The following DIS3 variants were observed in gnomAD, a reference collection of about 807,000 sequenced individuals.
DIS3 encodes DIS3 exosome endoribonuclease and 3'-5' exoribonuclease.
In DIS3, 103 loss-of-function variants were observed where a neutral mutation model predicts 113.0. The observed-to-expected ratio is 0.91, with a 90% CI of 0.78 to 1.07. The LOEUF (loss-of-function observed/expected upper bound fraction) is 1.07, where lower values mean the gene tolerates loss of function less well. Ranked by LOEUF, DIS3 falls within the 50% of genes least tolerant of loss-of-function variation. The pLI, the probability that DIS3 is intolerant of heterozygous loss-of-function variation, is 0.00. For missense variants in DIS3, 1,121 were observed against 1,167.1 expected, an observed-to-expected ratio of 0.96 and a Z score of 0.58; for synonymous variants, 402 against 394.3, an observed-to-expected ratio of 1.02 and a Z score of -0.23.
In DIS3 at chr13:72,761,358, C is replaced by T. The variant is rs747132440; in HGVS notation, c.2670+5G>A. 1.1e-5 allele frequency: 18 copies of T among 1,596,772 alleles called. No homozygotes were observed. Among genetic ancestry groups the T allele is most frequent in the African/African-American group, 2.7e-5 (2 of 73,720 alleles). ...AAAAGAAAACAAACATGAGAAATAC[C>T]GTACCTCATCATCATAAATAAGCTG... On this transcript the variant is annotated splice_donor_5th_base_variant and intron_variant, in intron 19 of 20. Coordinates refer to ENST00000377767, the MANE Select transcript of DIS3 (RefSeq NM_014953.5).
chr13:72,760,534 G>A lies in DIS3; in HGVS notation c.2788C>T (p.Pro930Ser). ...AATTTTAAGTTTGGCCTTACCTGTGGTTCTACCAGGGACATTCGGATCTTC... is the reference window on the plus strand; with the variant it reads ...AATTTTAAGTTTGGCCTTACCTGTGATTCTACCAGGGACATTCGGATCTTC... ...HQKIRMSLVE[P>S]QIPGISIPTD... The change falls in exon 20 of 21, where the codon CCA becomes TCA. Residue 930 changes from proline to serine, a missense_variant. Transcript: ENST00000377767. The A allele has an allele frequency of 6.2e-7, 1 of 1,613,458 alleles. No homozygotes were observed. The highest frequency in any genetic ancestry group is 8.5e-7 in the Non-Finnish European group (1 of 1,179,614).
At chr13:72,775,842 A>T in intron 5 of DIS3, 83 bp downstream of exon 5, 1 of 1,211,374 alleles carries the variant, frequency 8.3e-7, no homozygotes, top group Non-Finnish European at 1.1e-6. Flanking sequence ...TATGTTACAC[A>T]AATAGTATTT....
At chr13:72,770,643 G>A (rs767351285) in intron 13 of DIS3, among the ~76,000 whole-genome samples, 1 of 152,172 alleles carries the variant, frequency 6.6e-6, no homozygotes, top group Non-Finnish European at 1.5e-5. Context: ...AAGTGCATCT[G>A]TACATGTTTA....
chr13:72,774,185 C>T (rs1033420073), intron 6 of DIS3, 126 bp from the exon 7 acceptor site: 8 of 576,074 alleles, frequency 1.4e-5, no homozygotes, highest in African/African-American at 5.7e-5. Flanking sequence ...CATAAGACTA[C>T]AGAATGTTGA....
intron 14 of DIS3, among the ~76,000 whole-genome samples, chr13:72,767,953 GCCTGAGTTAATACTCTATA>G (rs1015899230): frequency 1.3e-5 from 2 of 152,082 alleles, no homozygotes; most frequent in African/African-American, 4.8e-5. Context: ...CCTTCAACAT[GCCTGAGTTAATACTCTATA>G]CCTTACGCCT....
chr13:72,780,236 G>A (rs2034129510), intron 2 of DIS3, among the ~76,000 whole-genome samples: 1 of 136,712 alleles, frequency 7.3e-6, no homozygotes, highest in Non-Finnish European at 1.5e-5. Context: ...TGAGGCAGAA[G>A]AATCGCTTGA....
chr13:72,769,691 C>T (rs1368090117), intron 13 of DIS3, among the ~76,000 whole-genome samples: 2 of 152,126 alleles, frequency 1.3e-5, no homozygotes, highest in African/African-American at 2.4e-5. Flanking sequence ...TTTTGTTATA[C>T]TGACCAAGTC....
In DIS3 at chr13:72,780,835, A is replaced by C; in HGVS notation, c.386+11T>G. Reference sequence around the variant, plus strand: ...GTGGTTTTCTGATATTTAACGTAATATTCCTCCTACCTATGGTGCTCATTA... The same window carrying C: ...GTGGTTTTCTGATATTTAACGTAATCTTCCTCCTACCTATGGTGCTCATTA... On this transcript the variant is annotated intron_variant, in intron 2 of 20. Coordinates refer to ENST00000377767, the MANE Select transcript of DIS3 (RefSeq NM_014953.5). The C allele has an allele frequency of 6.3e-7, 1 of 1,580,660 alleles. No homozygotes were observed. Among genetic ancestry groups the C allele is most frequent in the Non-Finnish European group, 8.6e-7 (1 of 1,165,894 alleles).
chr13:72,770,966 C>A lies in DIS3; in HGVS notation c.1693G>T (p.Glu565Ter). 5 of 1,598,588 alleles carry A rather than the reference C, an allele frequency of 3.1e-6. No individual in the cohort carries two copies. Among genetic ancestry groups the A allele is most frequent in the Non-Finnish European group, 4.3e-6 (5 of 1,171,568 alleles). The change falls in exon 13 of 21, where the codon GAA (glutamate) becomes TAA (stop). Residue 565 changes from glutamate (E) to a stop codon, truncating the protein, a stop_gained. Coordinates refer to ENST00000377767, the MANE Select transcript of DIS3 (RefSeq NM_014953.5). LOFTEE classifies it high-confidence loss of function. ...VDRLAFSCIWEMNHNAEILKT... is the reference protein window; with the variant it reads ...VDRLAFSCIW ...AAGATTTCAGCATTGTGATTCATTT[C>A]CCAAATACATGAAAATGCCAGCCTG...
At chr13:72,774,690 G>T (rs2033965354) in intron 6 of DIS3, among the ~76,000 whole-genome samples, 1 of 152,138 alleles carries the variant, frequency 6.6e-6, no homozygotes, top group African/African-American at 2.4e-5. Flanking sequence ...TTATAATATT[G>T]TAATTATAAA....
In DIS3 at chr13:72,780,984, G is replaced by A. The variant is rs1314031222; in HGVS notation, c.248C>T (p.Pro83Leu). The A allele has an allele frequency of 6.2e-7, 1 of 1,604,568 alleles. No individual in the cohort carries two copies. Among genetic ancestry groups the A allele is most frequent in the Non-Finnish European group, 8.5e-7 (1 of 1,177,682 alleles). The part of the protein sequence containing the change: ...LLHQIDVLED[P>L]AIRNVIVLQT... ...TAGCACAATTACATTCCTGATGGCA[G>A]GGTCCTCAAGAACATCAATCTTAAA... Residue 83 changes from proline (P) to leucine (L), a missense_variant, in exon 2 of 21, where the codon CCT (proline) becomes CTT (leucine). Physicochemically the swap from Pro to Leu is moderately conservative, Grantham distance 98 (BLOSUM62 -3). Coordinates refer to ENST00000377767, the MANE Select transcript of DIS3 (RefSeq NM_014953.5).
intron 2 of DIS3, 113 bp from the exon 3 acceptor site, chr13:72,778,493 T>A (rs1171732069): frequency 2.7e-6 from 2 of 753,460 alleles, no homozygotes; most frequent in African/African-American, 3.4e-5. Flanking sequence ...ATGGTATATC[T>A]TTTCTCTTGA....
At chr13:72,768,710 A>G (rs2033812195) in intron 14 of DIS3, 75 bp downstream of exon 14, 2 of 1,157,454 alleles carry the variant, frequency 1.7e-6, no homozygotes, top group Admixed American at 4.9e-5. Flanking sequence ...CCTTTTAAAT[A>G]ATTCATCATT....
rs1324314152 is a variant in DIS3 at position 72,752,815 on chromosome 13, A to AG, written c.*6979dup. The AG allele has an allele frequency of 1.3e-5, 2 of 152,144 alleles. No individual in the cohort carries two copies. The highest frequency in any genetic ancestry group is 2.9e-5 in the Non-Finnish European group (2 of 68,022). The allele number at this position is 152,144 out of a possible 1,614,324, so 9.4% of individuals were successfully genotyped here. A position where few individuals can be genotyped will look rare whatever the true frequency, so the allele number is the denominator to read the frequency against. On this transcript the variant is annotated 3_prime_UTR_variant, in exon 21 of 21. Coordinates refer to ENST00000377767, the MANE Select transcript of DIS3 (RefSeq NM_014953.5). ...TTCTAGGCTAGTCTGTACCTTTGTGAGGGAAACAAAATGACAGTCAGCTTT... is the reference window on the plus strand; with the variant it reads ...TTCTAGGCTAGTCTGTACCTTTGTGAGGGGAAACAAAATGACAGTCAGCTTT...
At chr13:72,761,064 C>T (rs2033611155) in intron 19 of DIS3, among the ~76,000 whole-genome samples, 1 of 151,840 alleles carries the variant, frequency 6.6e-6, no homozygotes. Context: ...AAAAAAAGTT[C>T]CTTCCCCGAG....
chr13:72,767,164 T>C (rs989049285), intron 14 of DIS3, among the ~76,000 whole-genome samples: 8 of 152,154 alleles, frequency 5.3e-5, no homozygotes, highest in African/African-American at 1.9e-4. Context: ...ACGGTTTTTT[T>C]TTCTGATTGC....
Position 72,771,825 on chromosome 13 carries a change from T to G in DIS3, c.1575A>C (p.Arg525Ser). 1 of 1,613,824 alleles carries G rather than the reference T, an allele frequency of 6.2e-7. No homozygotes were observed. Among genetic ancestry groups the G allele is most frequent in the Non-Finnish European group, 8.5e-7 (1 of 1,179,892 alleles). The change falls in exon 11 of 21, where the codon AGA becomes AGC. Residue 525 changes from arginine to serine, a missense_variant. This residue lies in a region of DIS3 where 861 missense variants were observed against 915.5 expected (regional missense o/e 0.94). Transcript: ENST00000377767. Reference sequence around the variant, plus strand: ...CACAAAGATACACAGTTGTTCCTCTTCTGGCTGATTCTTGATCCAAGGCAT... The same window carrying G: ...CACAAAGATACACAGTTGTTCCTCTGCTGGCTGATTCTTGATCCAAGGCAT... The part of the protein sequence containing the change: ...PGNALDQESA[R>S]RGTTVYLCEK...
At chr13:72,763,020 C>T (rs2033663327) in intron 16 of DIS3, among the ~76,000 whole-genome samples, 1 of 151,910 alleles carries the variant, frequency 6.6e-6, no homozygotes, top group Admixed American at 6.6e-5. Context: ...AGGCTGGGTG[C>T]GGTGGCTCAC....
chr13:72,761,675 G>A lies in DIS3; in HGVS notation c.2482C>T (p.Gln828Ter), dbSNP rs1289475399. 10 of 1,611,580 alleles carry A rather than the reference G, an allele frequency of 6.2e-6. No homozygotes were observed. The highest frequency in any genetic ancestry group is 8.5e-6 in the Non-Finnish European group (10 of 1,179,426). Residue 828 changes from glutamine (Q) to a stop codon, truncating the protein, a stop_gained, in exon 18 of 21, where the codon CAA becomes TAA. Coordinates refer to ENST00000377767, the MANE Select transcript of DIS3 (RefSeq NM_014953.5). LOFTEE classifies it high-confidence loss of function. ...NFRHKMAQYA[Q>*]RASVAFHTQL... ...GTATGAAAAGCCACTGATGCACGTT[G>A]GGCATATTGAGCCATTTTGTGCCGG...
Sources: allele counts gnomAD v4.1 joint callset (sites outside exome capture counted in the v4.1 genomes callset), GRCh38; gene constraint gnomAD v4.1.1; regional missense constraint gnomAD v4.1.1; transcripts MANE v1.5; gene names NCBI Gene and HGNC (gene_info 2026-07-23, HGNC 2026-07-21).